KLHL5: variants seen among roughly 807,000 people sequenced by gnomAD.
KLHL5 encodes kelch like family member 5.
KLHL5 carries 48 observed loss-of-function variants against 77.7 expected under a neutral mutation model. The ratio of observed to expected loss-of-function variants is 0.62; its 90% CI spans 0.49 to 0.79. KLHL5 has a LOEUF of 0.79. Among genes scored for constraint, KLHL5 ranks in the 30% least tolerant of loss-of-function variants. KLHL5 has a pLI of 0.00. For synonymous variants in KLHL5, 260 were observed against 297.0 expected (o/e 0.88, Z 1.28); for missense variants, 723 against 859.7 (o/e 0.84, Z 1.99).
rs1157266506 is a variant in KLHL5 at position 39,121,358 on chromosome 4, T to G, written c.*292T>G. The G allele has an allele frequency of 2.8e-6, 1 of 361,194 alleles. No homozygotes were observed. 22.4% of individuals were successfully genotyped at this position (361,194 alleles called of 1,614,324 possible). A position where few individuals can be genotyped will look rare whatever the true frequency, so the allele number is the denominator to read the frequency against. On this transcript the variant is annotated 3_prime_UTR_variant, in exon 11 of 11. Coordinates refer to ENST00000504108, the MANE Select transcript of KLHL5 (RefSeq NM_015990.5). ...CTCTGGAACATAACCCAGTGCTAAC[T>G]GGGGGTTTCATTTATTCAGTCAAGC...
At chr4:39,058,782 T>C (rs9996796), upstream of KLHL5, among the ~76,000 whole-genome samples, 4,314 of 152,272 alleles carry the variant, frequency 0.028, 177 homozygotes, top group African/African-American at 0.097. Context: ...AATTTATGTA[T>C]TCATTAGAGA....
chr4:39,060,441 TACCACCACCACC>T (rs71192817), upstream of KLHL5, among the ~76,000 whole-genome samples: 1 of 148,850 alleles, frequency 6.7e-6, no homozygotes. Context: ...ACTAAAAATC[TACCACCACCACC>T]ACCACCACCA....
chr4:39,108,438 A>G (rs1722207179), intron 8 of KLHL5, among the ~76,000 whole-genome samples: 1 of 152,152 alleles, frequency 6.6e-6, no homozygotes, highest in Admixed American at 6.6e-5. Flanking sequence ...GTTAAAATAG[A>G]ATTAAAATTA....
chr4:39,137,093 G>A, the KLHL5 span, among the ~76,000 whole-genome samples: 1 of 152,204 alleles, frequency 6.6e-6, no homozygotes, highest in Non-Finnish European at 1.5e-5. Flanking sequence ...GATGACCCCC[G>A]TGGTGTTGAA....
intron 10 of KLHL5, among the ~76,000 whole-genome samples, chr4:39,120,695 C>A (rs1414312489): frequency 6.6e-6 from 1 of 152,218 alleles, no homozygotes; most frequent in Non-Finnish European, 1.5e-5. Flanking sequence ...TTCTTCATAT[C>A]CATACTGTGT....
At chr4:39,055,687 A>C (rs1716959194) in intron 1 of KLHL5, among the ~76,000 whole-genome samples, 1 of 152,212 alleles carries the variant, frequency 6.6e-6, no homozygotes, top group Admixed American at 6.5e-5. Flanking sequence ...CACTGTACTC[A>C]GAGTTCCAGG....
rs1044283305 is a variant in KLHL5 at position 39,096,409 on chromosome 4, T to TA, written c.1114-275dup. 2.7e-3 allele frequency among the ~76,000 whole-genome samples: 416 copies of TA among 152,040 alleles called. 3 individuals are homozygous for TA. Among genetic ancestry groups the TA allele is most frequent in the African/African-American group, 3.9e-3 (161 of 41,496 alleles). On this transcript the variant is annotated intron_variant, in intron 5 of 10. Coordinates refer to ENST00000504108, the MANE Select transcript of KLHL5 (RefSeq NM_015990.5). Reference sequence around the variant, plus strand: ...AAATCTGGAAATTATAGAAAAGTAGTAAAAAAAACTTTATTTAAAAAGCAC... The same window carrying TA: ...AAATCTGGAAATTATAGAAAAGTAGTAAAAAAAAACTTTATTTAAAAAGCAC...
At chr4:39,047,370 A>G (rs1716270474) in intron 1 of KLHL5, among the ~76,000 whole-genome samples, 1 of 152,208 alleles carries the variant, frequency 6.6e-6, no homozygotes, top group Non-Finnish European at 1.5e-5. Flanking sequence ...GTGAGCTGAG[A>G]TGGTGCCACT....
At chr4:39,054,283 C>A (rs774804808) in intron 1 of KLHL5, among the ~76,000 whole-genome samples, 1 of 152,092 alleles carries the variant, frequency 6.6e-6, no homozygotes, top group Non-Finnish European at 1.5e-5. Context: ...GTGGTGTATT[C>A]GAAAGTATAT....
At position 39,107,600 on chromosome 4, in the gene KLHL5, C is replaced by G; in HGVS notation, c.1557C>G (p.Ala519=). Residue 519 remains alanine, a synonymous_variant, in exon 8 of 11, where the codon GCC becomes GCG. Transcript: ENST00000504108. ...CTGTACTGGAAGGTCCCATGTATGCCGTAGGAGGACATGATGGCTGGAGCT... is the reference window on the plus strand; with the variant it reads ...CTGTACTGGAAGGTCCCATGTATGCGGTAGGAGGACATGATGGCTGGAGCT... ...GVAVLEGPMY[A]VGGHDGWSYL... 1 of 1,611,646 alleles carries G rather than the reference C, an allele frequency of 6.2e-7. No individual in the cohort carries two copies. Among genetic ancestry groups the G allele is most frequent in the Non-Finnish European group, 8.5e-7 (1 of 1,178,418 alleles).
intron 5 of KLHL5, among the ~76,000 whole-genome samples, chr4:39,093,931 A>G (rs542296676): frequency 6.6e-6 from 1 of 152,150 alleles, no homozygotes; most frequent in Non-Finnish European, 1.5e-5. Context: ...ATGGAAGTCT[A>G]TATTATCTTT....
chr4:39,126,736 G>A (rs1292802841), downstream of KLHL5: 3 of 456,018 alleles, frequency 6.6e-6, no homozygotes, highest in Non-Finnish European at 1.3e-5. Flanking sequence ...TCACCTGGTG[G>A]CCATCAAGCA....
intron 5 of KLHL5, among the ~76,000 whole-genome samples, chr4:39,090,051 G>A (rs1488009061): frequency 2.0e-5 from 3 of 152,070 alleles, no homozygotes; most frequent in African/African-American, 7.2e-5. Context: ...TGCAGAATTA[G>A]AGTTATCAAG....
At chr4:39,076,393 G>A (rs1486606808) in intron 2 of KLHL5, among the ~76,000 whole-genome samples, 1 of 152,176 alleles carries the variant, frequency 6.6e-6, no homozygotes, top group Non-Finnish European at 1.5e-5. Context: ...ATTGTTCGGT[G>A]TAGATTGCAG....
chr4:39,065,623 G>T (rs1261745100), intron 1 of KLHL5, among the ~76,000 whole-genome samples: 3 of 151,754 alleles, frequency 2.0e-5, no homozygotes, highest in Non-Finnish European at 4.4e-5. Flanking sequence ...CAAAGTGCTG[G>T]GATTACAGGC....
At chr4:39,118,047 C>T (rs796776449) in intron 10 of KLHL5, among the ~76,000 whole-genome samples, 19 of 136,732 alleles carry the variant, frequency 1.4e-4, no homozygotes, top group African/African-American at 4.9e-4. Flanking sequence ...GGTGACAGAG[C>T]GAGACTCCAT....
chr4:39,111,115 T>C (rs148722538), intron 8 of KLHL5, among the ~76,000 whole-genome samples: 5 of 152,326 alleles, frequency 3.3e-5, no homozygotes, highest in African/African-American at 9.6e-5. Context: ...TTTTAACCCT[T>C]AATATTAGCT....
intron 10 of KLHL5, among the ~76,000 whole-genome samples, chr4:39,117,214 C>T (rs1423725496): frequency 6.6e-6 from 1 of 152,016 alleles, no homozygotes; most frequent in East Asian, 1.9e-4. Context: ...GGCGGAAGAT[C>T]GCTTGAGCCC....
At chr4:39,114,119 C>T (rs1026147380) in intron 9 of KLHL5, among the ~76,000 whole-genome samples, 2 of 152,094 alleles carry the variant, frequency 1.3e-5, no homozygotes, top group African/African-American at 4.8e-5. Context: ...CTATCTTAGT[C>T]TGTTTCCCAT....
Sources: allele counts gnomAD v4.1 joint callset (sites outside exome capture counted in the v4.1 genomes callset), GRCh38; gene constraint gnomAD v4.1.1; transcripts MANE v1.5; gene names NCBI Gene and HGNC (gene_info 2026-07-23, HGNC 2026-07-21).